The following IKZF3 variants were observed in gnomAD, a reference collection of about 807,000 sequenced individuals.
IKZF3 encodes the protein IKAROS family zinc finger 3, also known as zinc finger protein Aiolos.
Under a neutral mutation model 49.0 loss-of-function variants are expected in IKZF3, and 10 were observed. The ratio of observed to expected loss-of-function variants is 0.20; its 90% CI spans 0.13 to 0.35. The LOEUF (loss-of-function observed/expected upper bound fraction) is 0.35, where lower values mean the gene tolerates loss of function less well. Among genes scored for constraint, IKZF3 ranks in the 10% least tolerant of loss-of-function variants. The pLI, the probability that IKZF3 is intolerant of heterozygous loss-of-function variation, is 1.00. For synonymous variants in IKZF3, 209 were observed against 228.2 expected, an observed-to-expected ratio of 0.92 and a Z score of 0.76; for missense variants, 498 against 664.8, an observed-to-expected ratio of 0.75 and a Z score of 2.76.
chr17:39,776,988 A>G (rs1163781740), intron 7 of IKZF3, among the ~76,000 whole-genome samples: 1 of 152,240 alleles, frequency 6.6e-6, no homozygotes, highest in Non-Finnish European at 1.5e-5. Context: ...TCATGGTCAC[A>G]TTTATGTAAA....
At chr17:39,775,905 C>G (rs912594879) in intron 7 of IKZF3, among the ~76,000 whole-genome samples, 3 of 136,152 alleles carry the variant, frequency 2.2e-5, no homozygotes, top group Admixed American at 7.7e-5. Context: ...GCCTGGGCGA[C>G]AAGAGTGAAA....
intron 3 of IKZF3, among the ~76,000 whole-genome samples, chr17:39,800,450 T>G (rs556335084): frequency 6.6e-6 from 1 of 152,186 alleles, no homozygotes; most frequent in East Asian, 1.9e-4. Flanking sequence ...ACTGAACTTG[T>G]GGAGAAAAGA....
intron 6 of IKZF3, among the ~76,000 whole-genome samples, chr17:39,780,773 G>A (rs868652547): frequency 1.3e-5 from 2 of 152,078 alleles, no homozygotes; most frequent in Non-Finnish European, 2.9e-5. Context: ...GATGGCTTGA[G>A]CCTAGGAGTT....
At chr17:39,802,892 T>C (rs2061354525) in intron 3 of IKZF3, among the ~76,000 whole-genome samples, 3 of 152,082 alleles carry the variant, frequency 2.0e-5, no homozygotes, top group Middle Eastern at 6.8e-3. Flanking sequence ...ACAAGAGCAT[T>C]AGCATGTAAA....
intron 6 of IKZF3, among the ~76,000 whole-genome samples, chr17:39,780,268 G>GTATTAAATATTTC (rs1204728348): frequency 1.0e-4 from 15 of 146,412 alleles, no homozygotes; most frequent in African/African-American, 3.8e-4. Flanking sequence ...AAGCCCCAAA[G>GTATTAAATATTTC]TATTAAATAT....
chr17:39,810,491 G>GA (rs1031142820), intron 3 of IKZF3, among the ~76,000 whole-genome samples: 1 of 151,586 alleles, frequency 6.6e-6, no homozygotes, highest in African/African-American at 2.4e-5. Flanking sequence ...AGCTTTTCAA[G>GA]AAAGTCAGGA....
chr17:39,795,646 A>G (rs2061143640), intron 3 of IKZF3, among the ~76,000 whole-genome samples: 1 of 151,480 alleles, frequency 6.6e-6, no homozygotes, highest in African/African-American at 2.4e-5. Context: ...ACCTCAAGTG[A>G]TCCACCCTCC....
At chr17:39,786,719 C>T (rs34599546) in intron 6 of IKZF3, among the ~76,000 whole-genome samples, 14,127 of 152,160 alleles carry the variant, frequency 0.093, 1,344 homozygotes, top group African/African-American at 0.25. Context: ...TCAGCCTCCT[C>T]AGCAGCTAGG....
chr17:39,850,167 GTA>G (rs993507996), intron 1 of IKZF3, among the ~76,000 whole-genome samples: 1 of 65,968 alleles, frequency 1.5e-5, no homozygotes, highest in African/African-American at 6.7e-5. Context: ...TATACTATAT[GTA>G]TATATACTAT....
chr17:39,802,703 C>G (rs1003527482), intron 3 of IKZF3, among the ~76,000 whole-genome samples: 1 of 151,242 alleles, frequency 6.6e-6, no homozygotes, highest in African/African-American at 2.4e-5. Context: ...GCCTGTAGTC[C>G]CAACTACTCA....
At chr17:39,778,093 C>T (rs547410368) in intron 6 of IKZF3, 53 of 1,015,446 alleles carry the variant, frequency 5.2e-5, no homozygotes, top group Middle Eastern at 4.8e-4. Context: ...ATCTAACCCC[C>T]GATCAGCCTT....
At chr17:39,807,199 T>C (rs1198058678) in intron 3 of IKZF3, among the ~76,000 whole-genome samples, 1 of 152,136 alleles carries the variant, frequency 6.6e-6, no homozygotes, top group African/African-American at 2.4e-5. Context: ...ATAACTAATA[T>C]AGGGGTAGTT....
chr17:39,843,857 A>G (rs942034335), intron 1 of IKZF3, among the ~76,000 whole-genome samples: 4 of 152,044 alleles, frequency 2.6e-5, no homozygotes, highest in Admixed American at 1.3e-4. Flanking sequence ...ATCAGGTCAC[A>G]TGAATGTTCT....
intron 6 of IKZF3, among the ~76,000 whole-genome samples, chr17:39,784,231 G>A (rs181355897): frequency 4.6e-5 from 7 of 152,140 alleles, no homozygotes; most frequent in Non-Finnish European, 8.8e-5. Context: ...TCTCTATACC[G>A]GCTGTTAGTC....
In IKZF3 at chr17:39,792,684, C is replaced by T; in HGVS notation, c.413G>A (p.Arg138Gln). The T allele has an allele frequency of 2.5e-6, 4 of 1,613,748 alleles. No homozygotes were observed. Among genetic ancestry groups the T allele is most frequent in the African/African-American group, 1.3e-5 (1 of 75,032 alleles). ...AGCAGACTATTTACCAGTATGGCTT[C>T]GCTTATGAACCATTAAGACATTGAA... is the stretch of plus-strand genomic sequence containing the variant. ...ISFNVLMVHK[R>Q]SHTGERPFQC... The change falls in exon 4 of 8, where the codon CGA becomes CAA. Residue 138 changes from arginine to glutamine, a missense_variant. Arg to Gln is a conservative substitution (Grantham distance 43). This residue lies in a region of IKZF3 where 84 missense variants were observed against 168.6 expected (regional missense o/e 0.50). Transcript: ENST00000346872.
Position 39,792,755 on chromosome 17 carries a change from G to A in IKZF3, c.342C>T (p.Thr114=). The A allele has an allele frequency of 6.2e-7, 1 of 1,614,044 alleles. No homozygotes were observed. The highest frequency in any genetic ancestry group is 1.7e-4 in the Middle Eastern group (1 of 6,060). The change falls in exon 4 of 8, where the codon ACC becomes ACT. Residue 114 remains threonine, a synonymous_variant. Coordinates refer to ENST00000346872, the MANE Select transcript of IKZF3 (RefSeq NM_012481.5). The part of the protein sequence containing the change: ...HVVSFDSSRP[T]SGKMNCDVCG... ...ACACATCGCAGTTCATCTTTCCACTGGTTGGCCTGCTACTATCGAATGAGA... is the reference window on the plus strand; with the variant it reads ...ACACATCGCAGTTCATCTTTCCACTAGTTGGCCTGCTACTATCGAATGAGA...
intron 1 of IKZF3, among the ~76,000 whole-genome samples, 180 bp from the exon 2 acceptor site, chr17:39,832,331 A>T (rs1405894376): frequency 1.3e-5 from 2 of 152,224 alleles, no homozygotes; most frequent in East Asian, 1.9e-4. Flanking sequence ...TGAAAAAAAA[A>T]TATTGATGCA....
At chr17:39,836,329 A>ACCAGGC (rs1334046231) in intron 1 of IKZF3, among the ~76,000 whole-genome samples, 1 of 152,164 alleles carries the variant, frequency 6.6e-6, no homozygotes, top group African/African-American at 2.4e-5. Flanking sequence ...TGACGCAGGC[A>ACCAGGC]CCAGGCCTAC....
In IKZF3 at chr17:39,764,500, C is replaced by G. The variant is rs1387280166; in HGVS notation, c.*1290G>C. 1 of 151,700 alleles carries G rather than the reference C, an allele frequency of 6.6e-6. No individual in the cohort carries two copies. The highest frequency in any genetic ancestry group is 2.4e-5 in the African/African-American group (1 of 41,062). 9.4% of individuals were successfully genotyped at this position (151,700 alleles called of 1,614,324 possible). ...AAAAAAAAAAAGTTAAACGATTTCT[C>G]AAAGTCACATAGCTAATTAGCCAGC... On this transcript the variant is annotated 3_prime_UTR_variant, in exon 8 of 8. Coordinates refer to ENST00000346872, the MANE Select transcript of IKZF3 (RefSeq NM_012481.5).
Sources: allele counts gnomAD v4.1 joint callset (sites outside exome capture counted in the v4.1 genomes callset), GRCh38; gene constraint gnomAD v4.1.1; regional missense constraint gnomAD v4.1.1; transcripts MANE v1.5; gene names NCBI Gene and HGNC (gene_info 2026-07-23, HGNC 2026-07-21).